The following P2RX7 variants were observed in gnomAD, a reference collection of about 807,000 sequenced individuals.
The protein encoded by P2RX7 is P2X purinoceptor 7.
A neutral mutation model predicts 71.6 loss-of-function variants in P2RX7; 62 were observed. That is an observed-to-expected ratio of 0.87 (90% CI 0.71 to 1.07). P2RX7 has a LOEUF of 1.07. Ranked by LOEUF, P2RX7 falls within the 50% of genes least tolerant of loss-of-function variation. The pLI is 0.00. For missense variants in P2RX7, 686 were observed against 748.5 expected (o/e 0.92, Z 0.97); for synonymous variants, 299 against 283.3 (o/e 1.06, Z -0.56).
intron 2 of P2RX7, 59 bp from the exon 3 acceptor site, chr12:121,156,019 AT>A (rs1785826721): frequency 7.0e-7 from 1 of 1,432,144 alleles, no homozygotes; most frequent in African/African-American, 1.4e-5. Flanking sequence ...CTGGATTATT[AT>A]AATTAAGTAG....
chr12:121,157,546 G>A (rs756596224), intron 3 of P2RX7, among the ~76,000 whole-genome samples: 15 of 152,196 alleles, frequency 9.9e-5, no homozygotes, highest in Admixed American at 2.6e-4. Flanking sequence ...GCAGTGTTCC[G>A]TCTCCAATCC....
At position 121,168,128 on chromosome 12, in the gene P2RX7, A is replaced by ATG. The variant is rs1487717386; in HGVS notation, c.881+505_881+506insGT. Among the ~76,000 whole-genome samples, 5 of 152,140 alleles carry ATG rather than the reference A, an allele frequency of 3.3e-5. No homozygotes were observed. The East Asian group carries it at 9.7e-4, about 29-fold the overall frequency. On this transcript the variant is annotated intron_variant, in intron 8 of 12. Transcript: ENST00000328963. Reference sequence around the variant, plus strand: ...GCTCCTATGAGATAATAGCATATATATATATATCTTGTGGTATTCTGCGGG... The same window carrying ATG: ...GCTCCTATGAGATAATAGCATATATATGTATATATCTTGTGGTATTCTGCGGG...
intron 1 of P2RX7, among the ~76,000 whole-genome samples, chr12:121,150,066 G>C (rs948682699): frequency 1.3e-5 from 2 of 152,152 alleles, no homozygotes; most frequent in Non-Finnish European, 2.9e-5. Flanking sequence ...GGGTGACATG[G>C]CTCACCTTAG....
At chr12:121,155,167 T>C in intron 2 of P2RX7, 1 of 1,500,558 alleles carries the variant, frequency 6.7e-7, no homozygotes, top group South Asian at 1.2e-5. Flanking sequence ...ACAGGGTTTC[T>C]CAAAATAGCC....
In P2RX7 at chr12:121,182,061, T is replaced by TAAA. The variant is rs57873643; in HGVS notation, c.1290+1622_1290+1624dup. Among the ~76,000 whole-genome samples, 682 of 128,940 alleles carry TAAA rather than the reference T, an allele frequency of 5.3e-3. 10 individuals carry two copies. Among genetic ancestry groups the TAAA allele is most frequent in the African/African-American group, 0.017 (600 of 34,922 alleles). 84.6% of individuals were successfully genotyped at this position (128,940 alleles called of 152,430 possible). On this transcript the variant is annotated intron_variant, in intron 12 of 12. Coordinates refer to ENST00000328963, the MANE Select transcript of P2RX7 (RefSeq NM_002562.6). ...CCTGGGCAACAGAACAAGCTCCATC[T>TAAA]AAAAAAAAAAAAAAAAAAGTCTTTT...
At chr12:121,142,772 C>T (rs115329470) in intron 1 of P2RX7, among the ~76,000 whole-genome samples, 2 of 152,138 alleles carry the variant, frequency 1.3e-5, no homozygotes, top group Non-Finnish European at 2.9e-5. Context: ...CTGGATGACA[C>T]AGGGTCATCT....
intron 1 of P2RX7, among the ~76,000 whole-genome samples, chr12:121,150,512 A>G (rs1341180680): frequency 1.3e-5 from 2 of 152,332 alleles, no homozygotes; most frequent in Middle Eastern, 3.4e-3. Context: ...GTGTTATCAT[A>G]TTTGTCTATG....
At chr12:121,160,382 G>A (rs1322825947) in intron 3 of P2RX7, among the ~76,000 whole-genome samples, 2 of 152,078 alleles carry the variant, frequency 1.3e-5, no homozygotes, top group Non-Finnish European at 2.9e-5. Flanking sequence ...CCTGACCTCA[G>A]GTGATCTGCC....
chr12:121,142,518 T>A (rs1875138718), intron 1 of P2RX7, among the ~76,000 whole-genome samples: 1 of 152,118 alleles, frequency 6.6e-6, no homozygotes, highest in South Asian at 2.1e-4. Flanking sequence ...TCAGGTCAAC[T>A]CTATCATATC....
chr12:121,162,580 C>T (rs1435888969), intron 5 of P2RX7, 60 bp downstream of exon 5: 75 of 1,587,596 alleles, frequency 4.7e-5, no homozygotes, highest in Middle Eastern at 3.9e-4. Context: ...GAGGCCTTGC[C>T]GAGGCTGCTT....
chr12:121,170,345 A>T (rs912980950), intron 8 of P2RX7, among the ~76,000 whole-genome samples: 1 of 152,178 alleles, frequency 6.6e-6, no homozygotes, highest in Admixed American at 6.5e-5. Flanking sequence ...TGAGTTGAGC[A>T]CAAAAACATC....
intron 3 of P2RX7, among the ~76,000 whole-genome samples, chr12:121,157,449 C>A (rs1307350958): frequency 6.6e-6 from 1 of 152,160 alleles, no homozygotes; most frequent in African/African-American, 2.4e-5. Context: ...TTTGTTTTGT[C>A]CTCATCACCC....
At chr12:121,183,580 A>AAC (rs56653793) in intron 12 of P2RX7, among the ~76,000 whole-genome samples, 56,961 of 147,852 alleles carry the variant, frequency 0.39, 11,514 homozygotes, top group African/African-American at 0.44. Flanking sequence ...CAAAAAAAAA[A>AAC]AACAACAAAT....
At chr12:121,162,145 T>C in intron 4 of P2RX7, 1 of 907,044 alleles carries the variant, frequency 1.1e-6, no homozygotes, top group Non-Finnish European at 1.5e-6. Flanking sequence ...CCTGTTCCGC[T>C]CCCCTCATGG....
chr12:121,135,359 A>T (rs1323821766), intron 1 of P2RX7, among the ~76,000 whole-genome samples: 2 of 151,668 alleles, frequency 1.3e-5, no homozygotes, highest in East Asian at 1.9e-4. Context: ...AATAGTAATA[A>T]TTTTTTTGAT....
chr12:121,171,646 G>T (rs187527147), intron 8 of P2RX7, among the ~76,000 whole-genome samples: 135 of 152,018 alleles, frequency 8.9e-4, no homozygotes, highest in African/African-American at 3.2e-3. Flanking sequence ...CTTATTTGGG[G>T]GCTCAACCCA....
chr12:121,148,495 G>A (rs1405535412), intron 1 of P2RX7, among the ~76,000 whole-genome samples: 1 of 151,988 alleles, frequency 6.6e-6, no homozygotes, highest in Non-Finnish European at 1.5e-5. Flanking sequence ...AATTACAGGC[G>A]TGAGTCACCG....
Position 121,154,030 on chromosome 12 carries a change from G to C in P2RX7, c.126-755G>C, listed in dbSNP as rs1878047430. ...CCAGCTACTCAGGAGGCTGAGGTGG[G>C]AGGATCAACTTGAGCTCGGGAGTTG... On this transcript the variant is annotated intron_variant, in intron 1 of 12. Coordinates refer to ENST00000328963, the MANE Select transcript of P2RX7 (RefSeq NM_002562.6). This position sits in a 1 kb window ranked among gnomAD's most constrained non-coding sequence, Gnocchi z 4.2. Among the ~76,000 whole-genome samples, 1 of 152,108 alleles carries C rather than the reference G, an allele frequency of 6.6e-6. No individual in the cohort carries two copies. Among genetic ancestry groups the C allele is most frequent in the South Asian group, 2.1e-4 (1 of 4,824 alleles).
At position 121,186,947 on chromosome 12, in the gene P2RX7, C is replaced by G. The variant is rs983249174; in HGVS notation, c.*2145C>G. 1 of 152,240 alleles carries G rather than the reference C, an allele frequency of 6.6e-6. No individual in the cohort carries two copies. Among genetic ancestry groups the G allele is most frequent in the Non-Finnish European group, 1.5e-5 (1 of 68,050 alleles). 9.4% of individuals were successfully genotyped at this position (152,240 alleles called of 1,614,324 possible). On this transcript the variant is annotated 3_prime_UTR_variant, in exon 13 of 13. Coordinates refer to ENST00000328963, the MANE Select transcript of P2RX7 (RefSeq NM_002562.6). ...AAGCTGGCTTTATGCCATTAACACT[C>G]TGTACTTTGCAGCCAATCAGAACTG...
Sources: allele counts gnomAD v4.1 joint callset (sites outside exome capture counted in the v4.1 genomes callset), GRCh38; gene constraint gnomAD v4.1.1; non-coding constraint Gnocchi (gnomAD v3.1); transcripts MANE v1.5; gene names NCBI Gene and HGNC (gene_info 2026-07-23, HGNC 2026-07-21).